PPP2R2C: variants seen among roughly 807,000 people sequenced by gnomAD.
PPP2R2C encodes the protein protein phosphatase 2, regulatory subunit B, gamma.
Under a neutral mutation model 45.3 loss-of-function variants are expected in PPP2R2C, and 10 were observed. That is an observed-to-expected ratio of 0.22 (90% CI 0.14 to 0.37). The LOEUF (loss-of-function observed/expected upper bound fraction) is 0.37. Among genes scored for constraint, PPP2R2C ranks in the 10% least tolerant of loss-of-function variants. The probability of loss-of-function intolerance (pLI) is 1.00; values close to 1 mark genes in which losing one functional copy is unlikely to be tolerated. For missense variants in PPP2R2C, 308 were observed against 619.7 expected, an observed-to-expected ratio of 0.50 and a Z score of 5.34; for synonymous variants, 257 against 245.4, an observed-to-expected ratio of 1.05 and a Z score of -0.44.
Position 6,472,237 on chromosome 4 carries a change from C to T in PPP2R2C, c.-8G>A. ...GTCCGTGTCCTCGCCCATTGAAGGC[C>T]GTGCCCGGTGCTCTGGGCATGCCCC... On this transcript the variant is annotated 5_prime_UTR_variant, in exon 1 of 9. Transcript: ENST00000382599. 4.3e-6 allele frequency: 7 copies of T among 1,612,578 alleles called. No homozygotes were observed. The highest frequency in any genetic ancestry group is 5.9e-6 in the Non-Finnish European group (7 of 1,179,054).
chr4:6,522,388 C>T (rs890817511), intron 2 of PPP2R2C, among the ~76,000 whole-genome samples: 3 of 152,222 alleles, frequency 2.0e-5, no homozygotes, highest in African/African-American at 4.8e-5. Context: ...TTGAGGCTGG[C>T]GAGGTCCACA....
intron 1 of PPP2R2C, among the ~76,000 whole-genome samples, chr4:6,417,963 G>A (rs989285231): frequency 1.3e-5 from 2 of 152,130 alleles, no homozygotes; most frequent in African/African-American, 4.8e-5. Flanking sequence ...CTGACCCTCT[G>A]CCGCTGGGAC....
intron 6 of PPP2R2C, among the ~76,000 whole-genome samples, chr4:6,334,927 G>T (rs1397275631): frequency 6.6e-6 from 1 of 152,126 alleles, no homozygotes; most frequent in Non-Finnish European, 1.5e-5. Context: ...GTCTGTCCCA[G>T]CCCCTTATCC....
At chr4:6,410,850 T>C (rs889940842) in intron 1 of PPP2R2C, among the ~76,000 whole-genome samples, 29 of 134,272 alleles carry the variant, frequency 2.2e-4, no homozygotes, top group Admixed American at 1.8e-3. Flanking sequence ...GTTTTATTTA[T>C]TTATTTATTT....
At chr4:6,354,732 C>T (rs1220616747) in intron 5 of PPP2R2C, among the ~76,000 whole-genome samples, 1 of 150,348 alleles carries the variant, frequency 6.7e-6, no homozygotes, top group Non-Finnish European at 1.5e-5. Context: ...CAGAGACAGG[C>T]TCAGAGGGTT....
intron 1 of PPP2R2C, chr4:6,383,908 G>A: frequency 8.1e-6 from 8 of 987,078 alleles, no homozygotes; most frequent in Non-Finnish European, 8.4e-6. Flanking sequence ...TCTGAGCCAT[G>A]AGTCAATGCC....
chr4:6,560,542 G>T (rs1725541078), intron 1 of PPP2R2C, among the ~76,000 whole-genome samples: 1 of 152,112 alleles, frequency 6.6e-6, no homozygotes, highest in African/African-American at 2.4e-5. Flanking sequence ...ATTTCACCAG[G>T]TTGTGGCGGA....
In PPP2R2C at chr4:6,508,262, A is replaced by G. The variant is rs376894998; in HGVS notation, c.49+27009T>C. 2.1e-3 allele frequency among the ~76,000 whole-genome samples: 314 copies of G among 152,356 alleles called. No homozygotes were observed. The Middle Eastern group carries it at 0.024, about 12-fold the overall frequency. The stretch of plus-strand genomic sequence containing the variant: ...AAAATAATAATTGGTTACAGCTGGC[A>G]TCAGGGAAAGGCAGTCTCCCAATAG... On this transcript the variant is annotated intron_variant, in intron 2 of 9. Transcript: ENST00000506140.
intron 7 of PPP2R2C, 100 bp downstream of exon 7, chr4:6,333,462 G>A: frequency 1.5e-6 from 2 of 1,347,948 alleles, no homozygotes; most frequent in Non-Finnish European, 2.0e-6. Context: ...TACATACCGG[G>A]CATATGAAAG....
At chr4:6,355,311 G>C (rs772258294) in intron 5 of PPP2R2C, among the ~76,000 whole-genome samples, 2 of 152,120 alleles carry the variant, frequency 1.3e-5, no homozygotes, top group Non-Finnish European at 2.9e-5. Context: ...GAGATAAGAG[G>C]CATGGTCACA....
intron 1 of PPP2R2C, among the ~76,000 whole-genome samples, chr4:6,464,691 A>G (rs1330480502): frequency 6.6e-6 from 1 of 152,180 alleles, no homozygotes; most frequent in Non-Finnish European, 1.5e-5. Context: ...CTTTCTGGAG[A>G]ATAATCTGCC....
At chr4:6,491,648 C>T (rs1251357720) in intron 2 of PPP2R2C, among the ~76,000 whole-genome samples, 3 of 152,258 alleles carry the variant, frequency 2.0e-5, no homozygotes, top group Middle Eastern at 6.8e-3. Context: ...GGAGGAGGGG[C>T]CTGGTGGGAA....
At chr4:6,417,059 T>C (rs1718640123) in intron 1 of PPP2R2C, among the ~76,000 whole-genome samples, 1 of 152,214 alleles carries the variant, frequency 6.6e-6, no homozygotes, top group African/African-American at 2.4e-5. Flanking sequence ...ACCGGGCCCC[T>C]GAACCTAAGC....
chr4:6,343,810 C>T (rs1711564380), intron 6 of PPP2R2C, among the ~76,000 whole-genome samples: 1 of 152,026 alleles, frequency 6.6e-6, no homozygotes, highest in Admixed American at 6.6e-5. Flanking sequence ...TCAACTGCTC[C>T]AGAAAAAGAA....
chr4:6,562,471 G>T (rs1412836975), intron 1 of PPP2R2C, among the ~76,000 whole-genome samples: 12 of 105,736 alleles, frequency 1.1e-4, no homozygotes, highest in African/African-American at 4.1e-4. Context: ...ACGGAGTCGG[G>T]GGGGGGGGTT....
intron 2 of PPP2R2C, among the ~76,000 whole-genome samples, chr4:6,527,931 G>T (rs888080661): frequency 2.5e-4 from 38 of 152,304 alleles, no homozygotes; most frequent in African/African-American, 8.9e-4. Context: ...AGGGACAAAG[G>T]AGGCACAGCC....
chr4:6,429,888 C>T (rs886689599), intron 1 of PPP2R2C, among the ~76,000 whole-genome samples: 3 of 152,018 alleles, frequency 2.0e-5, no homozygotes, highest in Admixed American at 1.3e-4. Context: ...CCACAGCATC[C>T]GAGAGGGTCT....
At chr4:6,558,227 C>T (rs552106027) in intron 1 of PPP2R2C, among the ~76,000 whole-genome samples, 1 of 152,350 alleles carries the variant, frequency 6.6e-6, no homozygotes, top group South Asian at 2.1e-4. Context: ...GCAAGTTCTC[C>T]ATAAGTGCCA....
intron 1 of PPP2R2C, among the ~76,000 whole-genome samples, chr4:6,561,724 C>T (rs1053604047): frequency 2.0e-5 from 3 of 152,108 alleles, no homozygotes; most frequent in African/African-American, 7.2e-5. Context: ...TACATGGATA[C>T]ATACACACAC....
Sources: gnomAD v4.1 joint callset for allele counts (sites outside exome capture counted in the v4.1 genomes callset) on GRCh38, gnomAD v4.1.1 for gene constraint, MANE v1.5 for transcripts, NCBI Gene and HGNC (gene_info 2026-07-23, HGNC 2026-07-21) for gene names.